The following CCDC117 variants were observed in gnomAD, a reference collection of about 807,000 sequenced individuals.
The protein encoded by CCDC117 is coiled-coil domain containing 117.
Under a neutral mutation model 23.5 loss-of-function variants are expected in CCDC117, and 1 was observed. That is an observed-to-expected ratio of 0.04 (90% CI 0.02 to 0.20). CCDC117 has a LOEUF of 0.20. Among genes scored for constraint, CCDC117 ranks in the 10% least tolerant of loss-of-function variants. CCDC117 has a pLI of 1.00. For missense variants in CCDC117, 383 were observed against 348.2 expected, an observed-to-expected ratio of 1.10 and a Z score of -0.80; for synonymous variants, 132 against 124.8, an observed-to-expected ratio of 1.06 and a Z score of -0.39.
In CCDC117 at chr22:28,783,519, A is replaced by G. The variant is rs771064464; in HGVS notation, c.476A>G (p.Glu159Gly). 1.3e-5 allele frequency: 21 copies of G among 1,612,988 alleles called. No homozygotes were observed. In the South Asian group the frequency reaches 2.3e-4, roughly 18 times the overall value. ...LQEIEDRIID[E>G]DEEVEADRNV... ...CTTAATTGATTTAGGATAATTGATG[A>G]AGATGAAGAAGTTGAAGCTGACAGA... The change falls in exon 4 of 5, where the codon GAA becomes GGA. Residue 159 changes from glutamate (E) to glycine (G), a missense_variant. By Grantham distance (98) the Glu-to-Gly change is moderately conservative. Transcript: ENST00000249064.
rs1257398623 is a variant in CCDC117 at position 28,787,262 on chromosome 22, C to T, written c.*936C>T. The T allele has an allele frequency of 3.3e-5, 5 of 152,118 alleles. No individual in the cohort carries two copies. Among genetic ancestry groups the T allele is most frequent in the African/African-American group, 2.4e-5 (1 of 41,478 alleles). 9.4% of individuals were successfully genotyped at this position (152,118 alleles called of 1,614,324 possible). On this transcript the variant is annotated 3_prime_UTR_variant, in exon 5 of 5. Transcript: ENST00000249064. ...TCAAGCAATTCTCCTGCCTCACCCT[C>T]CCAAGTAGCTGGGATTACAGGTGCC...
In CCDC117 at chr22:28,781,641, G is replaced by A. The variant is rs1426865089; in HGVS notation, c.464+469G>A. On this transcript the variant is annotated intron_variant, in intron 3 of 4. Transcript: ENST00000249064. ...GCTGGGATTACAGGCGTGAGCCACC[G>A]CACCCGGCCTGTTTTGTTTTTTAGA... 3.9e-5 allele frequency among the ~76,000 whole-genome samples: 2 copies of A among 51,026 alleles called. 1 individual carries two copies. Among genetic ancestry groups the A allele is most frequent in the Non-Finnish European group, 6.4e-5 (2 of 31,452 alleles). 33.5% of individuals were successfully genotyped at this position (51,026 alleles called of 152,430 possible). A position where few individuals can be genotyped will look rare whatever the true frequency, so the allele number is the denominator to read the frequency against.
chr22:28,780,931 T>C lies in CCDC117; in HGVS notation c.240-17T>C. 6.4e-7 allele frequency: 1 copy of C among 1,568,368 alleles called. No homozygotes were observed. Among genetic ancestry groups the C allele is most frequent in the Non-Finnish European group, 8.7e-7 (1 of 1,144,960 alleles). ...TATTAGTTGGGATTTTCATTGAATT[T>C]TTTTTCTTTTTTTCAGTTGTCCAGT... On this transcript the variant is annotated splice_polypyrimidine_tract_variant and intron_variant, in intron 2 of 4. Coordinates refer to ENST00000249064, the MANE Select transcript of CCDC117 (RefSeq NM_173510.4).
intron 4 of CCDC117, among the ~76,000 whole-genome samples, chr22:28,784,872 G>A (rs767750031): frequency 3.3e-5 from 5 of 152,048 alleles, no homozygotes; most frequent in Non-Finnish European, 5.9e-5. Context: ...CCGGGTTCAC[G>A]CCATTCTCCT....
chr22:28,773,055 A>T, intron 1 of CCDC117, 21 bp downstream of exon 1: 20 of 622,502 alleles, frequency 3.2e-5, no homozygotes, highest in South Asian at 6.4e-5. Flanking sequence ...CGTCGGGCGC[A>T]GGGCGCAGGG....
intron 4 of CCDC117, among the ~76,000 whole-genome samples, chr22:28,785,062 G>A (rs950709676): frequency 3.3e-5 from 5 of 152,084 alleles, no homozygotes; most frequent in African/African-American, 9.7e-5. Context: ...GAGCCACCGC[G>A]CCCAGCCAAG....
At chr22:28,781,777 G>A (rs1261228744) in intron 3 of CCDC117, among the ~76,000 whole-genome samples, 1 of 152,086 alleles carries the variant, frequency 6.6e-6, no homozygotes, top group Admixed American at 6.6e-5. Context: ...CCAAGTAGCT[G>A]GGATTACAGG....
intron 4 of CCDC117, among the ~76,000 whole-genome samples, chr22:28,784,525 A>G (rs1463740370): frequency 6.6e-6 from 1 of 152,224 alleles, no homozygotes; most frequent in Admixed American, 6.5e-5. Flanking sequence ...GAGGGCAGAT[A>G]GGTGAGGCAT....
rs151312125 is a variant in CCDC117, at chr22:28,778,915, G to A, written c.240-2033G>A. Among the ~76,000 whole-genome samples the A allele has an allele frequency of 8.4e-3, 1,285 of 152,200 alleles. 15 individuals carry two copies. The highest frequency in any genetic ancestry group is 0.028 in the African/African-American group (1,146 of 41,508). On this transcript the variant is annotated intron_variant, in intron 2 of 4. Coordinates refer to ENST00000249064, the MANE Select transcript of CCDC117 (RefSeq NM_173510.4). ...AAATCATGTTGTTGGAGGTCAGAGCGCAGAACCCAGGTGTTAAACTTTATT... is the reference window on the plus strand; with the variant it reads ...AAATCATGTTGTTGGAGGTCAGAGCACAGAACCCAGGTGTTAAACTTTATT...
chr22:28,788,694 TGTG>T lies in CCDC117; in HGVS notation c.*2372_*2374del, dbSNP rs779952534. On this transcript the variant is annotated 3_prime_UTR_variant, in exon 5 of 5. Transcript: ENST00000249064. ...CTACAAAAATTGTTTTCTTCATCCT[TGTG>T]GTGCTTATTCATCTGAGCCGTCTCC... 3 of 152,660 alleles carry T rather than the reference TGTG, an allele frequency of 2.0e-5. No homozygotes were observed. The highest frequency in any genetic ancestry group is 6.5e-5 in the Admixed American group (1 of 15,278). 9.5% of individuals were successfully genotyped at this position (152,660 alleles called of 1,614,324 possible). A position where few individuals can be genotyped will look rare whatever the true frequency, so the allele number is the denominator to read the frequency against.
At chr22:28,778,330 G>A (rs923715321) in intron 2 of CCDC117, among the ~76,000 whole-genome samples, 8 of 151,982 alleles carry the variant, frequency 5.3e-5, no homozygotes, top group East Asian at 1.9e-4. Flanking sequence ...TCACTAGGTC[G>A]GGTGCGGTGG....
chr22:28,778,356 C>G (rs2031228855), intron 2 of CCDC117, among the ~76,000 whole-genome samples: 1 of 151,976 alleles, frequency 6.6e-6, no homozygotes. Flanking sequence ...GCCTGTAATC[C>G]TAGCACTTTG....
In CCDC117 at chr22:28,787,372, C is replaced by T. The variant is rs1369511366; in HGVS notation, c.*1046C>T. ...CAGGCTGGTCTCGAACTCCTGACCT[C>T]AGGTGATCTGCCCACCCCAGCCTCC... On this transcript the variant is annotated 3_prime_UTR_variant, in exon 5 of 5. Transcript: ENST00000249064. 6.6e-6 allele frequency: 1 copy of T among 152,176 alleles called. No individual in the cohort carries two copies. The highest frequency in any genetic ancestry group is 1.5e-5 in the Non-Finnish European group (1 of 68,056). 9.4% of individuals were successfully genotyped at this position (152,176 alleles called of 1,614,324 possible).
intron 2 of CCDC117, among the ~76,000 whole-genome samples, chr22:28,778,851 T>C (rs930039078): frequency 1.2e-4 from 18 of 152,302 alleles, no homozygotes; most frequent in Admixed American, 9.8e-4. Context: ...GTGATCTCTA[T>C]TTAGAAAGTG....
chr22:28,777,335 T>G (rs910346287), intron 2 of CCDC117, among the ~76,000 whole-genome samples: 2 of 151,780 alleles, frequency 1.3e-5, no homozygotes, highest in Non-Finnish European at 2.9e-5. Context: ...GCCTGGCCTA[T>G]TCTATATCTT....
Position 28,786,179 on chromosome 22 carries a change from T to C in CCDC117, c.693T>C (p.Tyr231=), listed in dbSNP as rs377732219. ...KPKPSSNTKN[Y]TGESQAKHVA... is the part of the protein sequence containing the mutation. ...AGCCATCCTCTAATACTAAGAACTA[T>C]ACAGGAGAGAGCCAAGCTAAGCATG... The change falls in exon 5 of 5, where the codon TAT becomes TAC. Residue 231 remains tyrosine, a synonymous_variant. Transcript: ENST00000249064. The C allele has an allele frequency of 6.8e-6, 11 of 1,614,024 alleles. No homozygotes were observed. The highest frequency in any genetic ancestry group is 4.0e-5 in the African/African-American group (3 of 74,918).
At chr22:28,773,838 G>C in intron 2 of CCDC117, 60 bp downstream of exon 2, 5 of 1,298,244 alleles carry the variant, frequency 3.9e-6, no homozygotes, top group Non-Finnish European at 4.5e-6. Context: ...CCCTGTTATA[G>C]TCTAAATTAC....
chr22:28,780,396 C>T (rs542023247), intron 2 of CCDC117, among the ~76,000 whole-genome samples: 16 of 152,268 alleles, frequency 1.1e-4, no homozygotes, highest in African/African-American at 3.9e-4. Context: ...AGAATGGCTG[C>T]CAGACCATCT....
At chr22:28,774,371 CTTTTT>C (rs35613553) in intron 2 of CCDC117, among the ~76,000 whole-genome samples, 1 of 122,150 alleles carries the variant, frequency 8.2e-6, no homozygotes, top group African/African-American at 3.1e-5. Flanking sequence ...CCTGAAAAGT[CTTTTT>C]TTTTTTTTTT....
Sources: gnomAD v4.1 joint callset for allele counts (sites outside exome capture counted in the v4.1 genomes callset) on GRCh38, gnomAD v4.1.1 for gene constraint, MANE v1.5 for transcripts, NCBI Gene and HGNC (gene_info 2026-07-23, HGNC 2026-07-21) for gene names.